Variants in SOHLH2 observed in about 807,000 individuals in gnomAD.
SOHLH2 encodes the protein spermatogenesis and oogenesis specific basic helix-loop-helix 2.
Under a neutral mutation model 50.4 loss-of-function variants are expected in SOHLH2, and 22 were observed. The ratio of observed to expected loss-of-function variants is 0.44; its 90% CI spans 0.31 to 0.62. The LOEUF (loss-of-function observed/expected upper bound fraction) is 0.62. Ranked by LOEUF, SOHLH2 falls within the 20% of genes least tolerant of loss-of-function variation. SOHLH2 has a pLI of 0.08. For missense variants in SOHLH2, 412 were observed against 504.4 expected, an observed-to-expected ratio of 0.82 and a Z score of 1.76; for synonymous variants, 185 against 187.3, an observed-to-expected ratio of 0.99 and a Z score of 0.10.
At chr13:36,184,018 A>G (rs967917380) in intron 6 of SOHLH2, among the ~76,000 whole-genome samples, 1 of 152,166 alleles carries the variant, frequency 6.6e-6, no homozygotes, top group African/African-American at 2.4e-5. Flanking sequence ...TACCTCATTA[A>G]TATTTATAGA....
At chr13:36,193,555 A>G in intron 4 of SOHLH2, 66 bp downstream of exon 4, 1 of 1,488,940 alleles carries the variant, frequency 6.7e-7, no homozygotes, top group South Asian at 1.3e-5. Flanking sequence ...TTTTGTCAGA[A>G]TATATGAGCA....
At chr13:36,198,830 T>A (rs1334169563) in intron 2 of SOHLH2, among the ~76,000 whole-genome samples, 1 of 152,234 alleles carries the variant, frequency 6.6e-6, no homozygotes, top group Admixed American at 6.5e-5. Context: ...TGTGATCATG[T>A]GCTCTAATAC....
Position 36,191,783 on chromosome 13 carries a change from C to CA in SOHLH2, c.530+11dup. 6.2e-7 allele frequency: 1 copy of CA among 1,612,792 alleles called. No homozygotes were observed. The highest frequency in any genetic ancestry group is 8.5e-7 in the Non-Finnish European group (1 of 1,179,452). ...AAAATATTGCTATTATGAAAAAGAA[C>CA]AAAAAACTAACCAGGCAAATAGATC... On this transcript the variant is annotated intron_variant, in intron 5 of 10. Transcript: ENST00000379881.
intron 8 of SOHLH2, 124 bp from the exon 9 acceptor site, chr13:36,173,934 A>G (rs1354894972): frequency 3.6e-6 from 4 of 1,108,866 alleles, no homozygotes; most frequent in Non-Finnish European, 5.2e-6. Context: ...ACTATGGATT[A>G]TTTACATATG....
At chr13:36,197,678 T>C (rs1415508466) in intron 2 of SOHLH2, among the ~76,000 whole-genome samples, 1 of 152,210 alleles carries the variant, frequency 6.6e-6, no homozygotes, top group African/African-American at 2.4e-5. Flanking sequence ...TAACCTGGTA[T>C]GACCTACATG....
At chr13:36,213,048 A>G (rs1467816053) in intron 1 of SOHLH2, among the ~76,000 whole-genome samples, 1 of 152,222 alleles carries the variant, frequency 6.6e-6, no homozygotes, top group Non-Finnish European at 1.5e-5. Context: ...AATCAGCAGC[A>G]GCTGCAGGGC....
intron 6 of SOHLH2, among the ~76,000 whole-genome samples, chr13:36,184,642 TAG>T (rs1887361977): frequency 6.6e-6 from 1 of 151,906 alleles, no homozygotes; most frequent in Non-Finnish European, 1.5e-5. Context: ...TGTATTTTAG[TAG>T]AGACAGGGTT....
intron 2 of SOHLH2, among the ~76,000 whole-genome samples, chr13:36,195,586 A>G (rs564202874): frequency 6.6e-6 from 1 of 152,206 alleles, no homozygotes; most frequent in African/African-American, 2.4e-5. Context: ...TTTTAGAAAG[A>G]CCACTCTGCC....
At chr13:36,205,338 T>C (rs1267439973) in intron 1 of SOHLH2, among the ~76,000 whole-genome samples, 1 of 152,130 alleles carries the variant, frequency 6.6e-6, no homozygotes, top group Admixed American at 6.6e-5. Context: ...CCTGTCTTGT[T>C]CCTGACTTTA....
intron 4 of SOHLH2, among the ~76,000 whole-genome samples, chr13:36,193,204 C>T (rs989167922): frequency 1.3e-5 from 2 of 152,162 alleles, no homozygotes; most frequent in Non-Finnish European, 2.9e-5. Flanking sequence ...AAAGGGCAAC[C>T]ACCCTATTAA....
At chr13:36,169,458 T>A (rs1178968667) in intron 10 of SOHLH2, among the ~76,000 whole-genome samples, 2 of 152,176 alleles carry the variant, frequency 1.3e-5, no homozygotes, top group Non-Finnish European at 2.9e-5. Context: ...TCACTATTAT[T>A]CCCATTTTAT....
At chr13:36,183,598 C>T (rs750727858) in intron 6 of SOHLH2, among the ~76,000 whole-genome samples, 3 of 151,964 alleles carry the variant, frequency 2.0e-5, no homozygotes, top group African/African-American at 7.2e-5. Flanking sequence ...AACCTAAAAC[C>T]GCACTTAACA....
At chr13:36,182,357 G>C (rs866530764) in intron 6 of SOHLH2, 127 of 907,958 alleles carry the variant, frequency 1.4e-4, no homozygotes, top group Middle Eastern at 5.7e-4. Context: ...CAAAGAGTCA[G>C]GGTCCATTTC....
chr13:36,210,588 A>G (rs544524633), intron 1 of SOHLH2, among the ~76,000 whole-genome samples: 1 of 152,242 alleles, frequency 6.6e-6, no homozygotes, highest in South Asian at 2.1e-4. Context: ...TACTTGAAGG[A>G]ATCATCACAT....
intron 6 of SOHLH2, among the ~76,000 whole-genome samples, chr13:36,177,086 C>T (rs1887114666): frequency 6.6e-6 from 1 of 152,060 alleles, no homozygotes; most frequent in Non-Finnish European, 1.5e-5. Context: ...TCCCCTAACC[C>T]CATAAAGCAA....
intron 5 of SOHLH2, 70 bp from the exon 6 acceptor site, chr13:36,190,126 C>A: frequency 7.2e-7 from 1 of 1,387,810 alleles, no homozygotes; most frequent in Non-Finnish European, 9.7e-7. Flanking sequence ...ATAATACGCA[C>A]CAATACACTA....
intron 6 of SOHLH2, among the ~76,000 whole-genome samples, chr13:36,185,581 G>C (rs1887394061): frequency 6.6e-6 from 1 of 151,832 alleles, no homozygotes; most frequent in Non-Finnish European, 1.5e-5. Flanking sequence ...ATCAAAATCT[G>C]CTTCACTGAA....
rs149847807 is a variant in SOHLH2 at position 36,214,523 on chromosome 13, C to G, written c.4G>C (p.Ala2Pro). The change falls in exon 1 of 11, where the codon GCT (alanine) becomes CCT (proline). Residue 2 changes from alanine to proline, a missense_variant. Physicochemically the swap from Ala to Pro is conservative, Grantham distance 27. Coordinates refer to ENST00000379881, the MANE Select transcript of SOHLH2 (RefSeq NM_017826.3). The stretch of plus-strand genomic sequence containing the variant: ...TGCTCCTGGCAGATAATTGAGGAAG[C>G]CATGGCCGCTGCGCACGTGCTGGGT... M[A>P]SSIICQEHCQ... 10 of 1,612,064 alleles carry G rather than the reference C, an allele frequency of 6.2e-6. No individual in the cohort carries two copies. Among genetic ancestry groups the G allele is most frequent in the South Asian group, 1.1e-5 (1 of 90,494 alleles).
At chr13:36,200,327 A>G (rs905946923) in intron 2 of SOHLH2, among the ~76,000 whole-genome samples, 19 of 152,194 alleles carry the variant, frequency 1.2e-4, no homozygotes, top group Non-Finnish European at 2.8e-4. Context: ...TTTGAGGTAG[A>G]TAGTTTGCCT....
Sources: gnomAD v4.1 joint callset for allele counts (sites outside exome capture counted in the v4.1 genomes callset) on GRCh38, gnomAD v4.1.1 for gene constraint, MANE v1.5 for transcripts, NCBI Gene and HGNC (gene_info 2026-07-23, HGNC 2026-07-21) for gene names.